ZNF716: variants seen among roughly 807,000 people sequenced by gnomAD.
ZNF716 encodes the protein zinc finger protein 716.
In ZNF716, 9 loss-of-function variants were observed where a neutral mutation model predicts 13.4. The observed-to-expected ratio is 0.67, with a 90% CI of 0.41 to 1.18. The LOEUF (loss-of-function observed/expected upper bound fraction) is 1.18, where lower values mean the gene tolerates loss of function less well. ZNF716 is among the 50% of genes most tolerant of loss of function. ZNF716 has a pLI of 0.01. For synonymous variants in ZNF716, 186 were observed against 195.2 expected (o/e 0.95, Z 0.39); for missense variants, 581 against 576.6 (o/e 1.01, Z -0.08).
intron 3 of ZNF716, among the ~76,000 whole-genome samples, chr7:57,468,162 T>C (rs1471489112): frequency 6.6e-6 from 1 of 152,208 alleles, no homozygotes; most frequent in Non-Finnish European, 1.5e-5. Context: ...AAAAGACTTC[T>C]TCATGTTTCC....
At position 57,470,260 on chromosome 7, in the gene ZNF716, G is replaced by T; in HGVS notation, c.*311G>T. On this transcript the variant is annotated 3_prime_UTR_variant, in exon 4 of 4. Transcript: ENST00000420713. ...GCTCACTGCAACCTCTGCCTCCTGG[G>T]TTCAAGCGATTCTCCTGCCTCAGCC... 5.2e-6 allele frequency: 1 copy of T among 193,192 alleles called. No homozygotes were observed. Among genetic ancestry groups the T allele is most frequent in the Admixed American group, 5.4e-5 (1 of 18,536 alleles). The allele number at this position is 193,192 out of a possible 1,614,324, so 12.0% of individuals were successfully genotyped here.
chr7:57,460,007 G>T (rs1554322770), intron 1 of ZNF716, among the ~76,000 whole-genome samples: 5 of 151,842 alleles, frequency 3.3e-5, no homozygotes, highest in Non-Finnish European at 7.4e-5. Flanking sequence ...ATATGTTCCA[G>T]AGCATCTCAT....
chr7:57,457,433 C>A (rs145004355), intron 1 of ZNF716, among the ~76,000 whole-genome samples: 3,209 of 152,266 alleles, frequency 0.021, 131 homozygotes, highest in African/African-American at 0.07. Flanking sequence ...CAACTTCTGC[C>A]TCCCAGGTTC....
At chr7:57,465,504 C>G (rs1789789791) in intron 3 of ZNF716, among the ~76,000 whole-genome samples, 1 of 152,112 alleles carries the variant, frequency 6.6e-6, no homozygotes, top group Non-Finnish European at 1.5e-5. Flanking sequence ...AGACATACCC[C>G]ACCATGCCCA....
intron 3 of ZNF716, among the ~76,000 whole-genome samples, 200 bp from the exon 4 acceptor site, chr7:57,468,524 C>A (rs10215781): frequency 2.0e-5 from 3 of 152,084 alleles, no homozygotes; most frequent in Non-Finnish European, 4.4e-5. Context: ...CCACAGTTAC[C>A]TTACTTATAA....
At chr7:57,463,636 A>AT (rs35072495) in intron 3 of ZNF716, among the ~76,000 whole-genome samples, 58,163 of 151,484 alleles carry the variant, frequency 0.38, 11,366 homozygotes, top group East Asian at 0.51. Flanking sequence ...TGACATATAA[A>AT]TTTTTTTTAC....
chr7:57,465,965 T>C (rs10259456), intron 3 of ZNF716, among the ~76,000 whole-genome samples: 57,988 of 150,956 alleles, frequency 0.38, 11,327 homozygotes, highest in East Asian at 0.51. Flanking sequence ...TATTCTCACT[T>C]GTAGGTGGGA....
rs782042261 is a variant in ZNF716, at chr7:57,469,184, C to G, written c.723C>G (p.Tyr241Ter). The G allele has an allele frequency of 6.2e-7, 1 of 1,612,624 alleles. No homozygotes were observed. Among genetic ancestry groups the G allele is most frequent in the Admixed American group, 1.7e-5 (1 of 59,744 alleles). Residue 241 changes from tyrosine to a stop codon, truncating the protein, a stop_gained, in exon 4 of 4, where the codon TAC becomes TAG. Transcript: ENST00000420713. LOFTEE classifies it low-confidence loss of function (END_TRUNC). The stretch of plus-strand genomic sequence containing the variant: ...GAATTCATACTGGAGAGAAACCCTA[C>G]AGATGTGAGGAATGTGGCAAAGCTT... ...HKRIHTGEKP[Y>*]RCEECGKAFS...
intron 1 of ZNF716, among the ~76,000 whole-genome samples, chr7:57,451,150 G>T (rs1789484711): frequency 6.6e-6 from 1 of 151,992 alleles, no homozygotes; most frequent in South Asian, 2.1e-4. Flanking sequence ...CTGCGGAGTA[G>T]CTGGGATTAC....
Position 57,462,526 on chromosome 7 carries a change from G to A in ZNF716, c.106G>A (p.Ala36Thr). The change falls in exon 2 of 4, where the codon GCT (alanine) becomes ACT (threonine). Residue 36 changes from alanine (A) to threonine (T), a missense_variant. By Grantham distance (58) the Ala-to-Thr change is moderately conservative. Transcript: ENST00000420713. ...SLAEWQCLDH[A>T]QQNLYRDVML... The stretch of plus-strand genomic sequence containing the variant: ...GGCGGAATGGCAATGCCTGGATCAT[G>A]CTCAGCAGAATTTATATAGAGATGT... 1 of 1,613,870 alleles carries A rather than the reference G, an allele frequency of 6.2e-7. No homozygotes were observed. The highest frequency in any genetic ancestry group is 1.1e-5 in the South Asian group (1 of 91,046).
At chr7:57,454,390 A>G (rs1489681718) in intron 1 of ZNF716, among the ~76,000 whole-genome samples, 3 of 152,200 alleles carry the variant, frequency 2.0e-5, no homozygotes, top group African/African-American at 7.2e-5. Context: ...TTAATTTCTA[A>G]AACTAAGTGA....
chr7:57,455,763 C>G (rs1789574940), intron 1 of ZNF716, among the ~76,000 whole-genome samples: 1 of 152,142 alleles, frequency 6.6e-6, no homozygotes, highest in South Asian at 2.1e-4. Context: ...GGTGATCCAC[C>G]TGCCTCAGCT....
Position 57,470,024 on chromosome 7 carries a change from A to C in ZNF716, c.*75A>C. The stretch of plus-strand genomic sequence containing the variant: ...CTGGAAAAAATCACTACAAGTGTGG[A>C]GAATGTGGCCAATTCTTTAACCAGT... On this transcript the variant is annotated 3_prime_UTR_variant, in exon 4 of 4. Transcript: ENST00000420713. 1 of 1,374,302 alleles carries C rather than the reference A, an allele frequency of 7.3e-7. No homozygotes were observed. The highest frequency in any genetic ancestry group is 9.7e-7 in the Non-Finnish European group (1 of 1,029,748). 85.1% of individuals were successfully genotyped at this position (1,374,302 alleles called of 1,614,324 possible). A position where few individuals can be genotyped will look rare whatever the true frequency, so the allele number is the denominator to read the frequency against.
chr7:57,454,136 T>C (rs782421202), intron 1 of ZNF716, among the ~76,000 whole-genome samples: 1 of 152,128 alleles, frequency 6.6e-6, no homozygotes, highest in Non-Finnish European at 1.5e-5. Context: ...CCTGGCCCTG[T>C]TATCTTGATT....
At chr7:57,467,671 G>A (rs1204439822) in intron 3 of ZNF716, among the ~76,000 whole-genome samples, 1 of 151,924 alleles carries the variant, frequency 6.6e-6, no homozygotes, top group Non-Finnish European at 1.5e-5. Context: ...TTGAAACTTT[G>A]CATGAATATG....
rs1322867151 is a variant in ZNF716, at chr7:57,472,899, A to T, written c.*2950A>T. 1.3e-4 allele frequency: 20 copies of T among 152,190 alleles called. No individual in the cohort carries two copies. Among genetic ancestry groups the T allele is most frequent in the African/African-American group, 3.4e-4 (14 of 41,518 alleles). 9.4% of individuals were successfully genotyped at this position (152,190 alleles called of 1,614,324 possible). A position where few individuals can be genotyped will look rare whatever the true frequency, so the allele number is the denominator to read the frequency against. ...CATACACACTTATGGCATATATGAG[A>T]TATGTTAACACATGCACATAATATT... On this transcript the variant is annotated 3_prime_UTR_variant, in exon 4 of 4. Coordinates refer to ENST00000420713, the MANE Select transcript of ZNF716 (RefSeq NM_001159279.1).
In ZNF716 at chr7:57,468,747, G is replaced by T; in HGVS notation, c.286G>T (p.Asp96Tyr). 4 of 1,610,256 alleles carry T rather than the reference G, an allele frequency of 2.5e-6. No homozygotes were observed. The South Asian group carries it at 4.4e-5, about 18-fold the overall frequency. Residue 96 changes from aspartate to tyrosine, a missense_variant, in exon 4 of 4, where the codon GAC (aspartate) becomes TAC (tyrosine). Coordinates refer to ENST00000420713, the MANE Select transcript of ZNF716 (RefSeq NM_001159279.1). ...HPVTCSHFTQ[D>Y]LQSEQGIKDS... ...AGTTACATGTTCTCATTTCACCCAA[G>T]ACCTTCAGTCAGAGCAGGGCATAAA... is the stretch of plus-strand genomic sequence containing the variant.
intron 3 of ZNF716, among the ~76,000 whole-genome samples, chr7:57,466,806 G>T (rs1789825098): frequency 6.6e-6 from 1 of 151,676 alleles, no homozygotes; most frequent in Non-Finnish European, 1.5e-5. Context: ...TTGAAAATGA[G>T]ATCTTAATGT....
chr7:57,453,797 A>G (rs1789537569), intron 1 of ZNF716, among the ~76,000 whole-genome samples: 1 of 152,158 alleles, frequency 6.6e-6, no homozygotes. Flanking sequence ...TCTTTTTGCA[A>G]AATTAATATG....
Sources: allele counts gnomAD v4.1 joint callset (sites outside exome capture counted in the v4.1 genomes callset), GRCh38; gene constraint gnomAD v4.1.1; transcripts MANE v1.5; gene names NCBI Gene and HGNC (gene_info 2026-07-23, HGNC 2026-07-21).